The following LAMA3 variants were observed in gnomAD, a reference collection of about 807,000 sequenced individuals.
LAMA3 encodes the protein laminin subunit alpha 3, also known as laminin subunit alpha-3.
A neutral mutation model predicts 402.0 loss-of-function variants in LAMA3; 281 were observed. The observed-to-expected ratio is 0.70, with a 90% CI of 0.63 to 0.77. LAMA3 has a LOEUF of 0.77. Ranked by LOEUF, LAMA3 falls within the 30% of genes least tolerant of loss-of-function variation. The probability of loss-of-function intolerance (pLI) is 0.00; values close to 1 mark genes in which losing one functional copy is unlikely to be tolerated. For synonymous variants in LAMA3, 1,431 were observed against 1,558.4 expected (o/e 0.92, Z 1.93); for missense variants, 3,840 against 4,215.5 (o/e 0.91, Z 2.47).
rs2064737169 is a variant in LAMA3 at position 23,876,880 on chromosome 18, G to T, written c.5112+473G>T. 2.6e-5 allele frequency among the ~76,000 whole-genome samples: 4 copies of T among 152,202 alleles called. No homozygotes were observed. The South Asian group carries it at 8.3e-4, about 31-fold the overall frequency. Reference sequence around the variant, plus strand: ...AAGAAATCAGTCCAACATTAGCTGGGCATGGTGGCAGGTGCCTGTAATCCC... The same window carrying T: ...AAGAAATCAGTCCAACATTAGCTGGTCATGGTGGCAGGTGCCTGTAATCCC... On this transcript the variant is annotated intron_variant, in intron 39 of 74. Coordinates refer to ENST00000313654, the MANE Select transcript of LAMA3 (RefSeq NM_198129.4).
At chr18:23,861,865 A>G in intron 35 of LAMA3, 58 bp downstream of exon 35, 1 of 1,518,226 alleles carries the variant, frequency 6.6e-7, no homozygotes, top group Middle Eastern at 2.2e-4. Flanking sequence ...TTGCTGCATG[A>G]GCATCATTTC....
chr18:23,874,990 A>C (rs1424658897), intron 38 of LAMA3, among the ~76,000 whole-genome samples: 1 of 152,090 alleles, frequency 6.6e-6, no homozygotes, highest in Non-Finnish European at 1.5e-5. Flanking sequence ...CAACCTCCCG[A>C]GTAGCTGGGA....
In LAMA3 at chr18:23,948,134, CA is replaced by C. The variant is rs371469997; in HGVS notation, c.9352-1630del. On this transcript the variant is annotated intron_variant, in intron 70 of 74. Coordinates refer to ENST00000313654, the MANE Select transcript of LAMA3 (RefSeq NM_198129.4). ...GCCCCTATTTTCAACTCAGAGAAAT[CA>C]CAGGATGGGGCAGGATTTGGGTATT... is the stretch of plus-strand genomic sequence containing the variant. 3.0e-4 allele frequency among the ~76,000 whole-genome samples: 45 copies of C among 152,244 alleles called. 1 individual carries two copies. In the South Asian group the frequency reaches 8.7e-3, roughly 29 times the overall value.
rs187142094 is a variant in LAMA3 at position 23,912,632 on chromosome 18, G to A, written c.7159-79G>A. On this transcript the variant is annotated intron_variant, in intron 55 of 74. Transcript: ENST00000313654. ...TCAGGAAAGGCTGATACATGGCTACGAGTCACAAACTAGCTCTCTGAGCAC... is the reference window on the plus strand; with the variant it reads ...TCAGGAAAGGCTGATACATGGCTACAAGTCACAAACTAGCTCTCTGAGCAC... The A allele has an allele frequency of 6.5e-5, 76 of 1,171,450 alleles. No individual in the cohort carries two copies. The African/African-American group carries it at 6.6e-4, about 10-fold the overall frequency. 72.6% of individuals were successfully genotyped at this position (1,171,450 alleles called of 1,614,324 possible).
intron 33 of LAMA3, among the ~76,000 whole-genome samples, chr18:23,858,461 C>G (rs942731061): frequency 6.6e-6 from 1 of 152,114 alleles, no homozygotes. Context: ...CAAGATGCCC[C>G]AGGGGCATCT....
Position 23,912,723 on chromosome 18 carries a change from A to T in LAMA3, c.7171A>T (p.Met2391Leu). ...RDAASKVAVP[M>L]RFNGKSGVEV... Reference sequence around the variant, plus strand: ...TTACTCCTCACAGGTTGCTGTCCCCATGAGGTTCAATGGTAAATCTGGAGT... The same window carrying T: ...TTACTCCTCACAGGTTGCTGTCCCCTTGAGGTTCAATGGTAAATCTGGAGT... Residue 2391 changes from methionine to leucine, a missense_variant, in exon 56 of 75, where the codon ATG becomes TTG. Transcript: ENST00000313654. 1 of 1,613,994 alleles carries T rather than the reference A, an allele frequency of 6.2e-7. No homozygotes were observed. The highest frequency in any genetic ancestry group is 8.5e-7 in the Non-Finnish European group (1 of 1,179,836).
chr18:23,714,183 C>A, intron 2 of LAMA3, 111 bp downstream of exon 2: 1 of 1,098,976 alleles, frequency 9.1e-7, no homozygotes, highest in Non-Finnish European at 1.3e-6. Flanking sequence ...GTTTTAATCC[C>A]CTCATCATTG....
Position 23,939,219 on chromosome 18 carries a change from G to A in LAMA3, c.8863-4G>A, listed in dbSNP as rs1248984103. The A allele has an allele frequency of 6.2e-7, 1 of 1,613,830 alleles. No homozygotes were observed. Among genetic ancestry groups the A allele is most frequent in the Admixed American group, 1.7e-5 (1 of 60,024 alleles). ...GATAATTGTGTTGCTCTTTTCCCAT[G>A]CAGCTGTTGCAGGACACACCAGTGG... On this transcript the variant is annotated splice_polypyrimidine_tract_variant and splice_region_variant and intron_variant, in intron 67 of 74. Transcript: ENST00000313654.
At position 23,784,376 on chromosome 18, in the gene LAMA3, A is replaced by T. The variant is rs190310249; in HGVS notation, c.1603+219A>T. On this transcript the variant is annotated intron_variant, in intron 12 of 74. Transcript: ENST00000313654. ...TCCTCCCTGGTAGTTAAGCACATGG[A>T]CTCTGAAATAATCTGTTTGGGTTCA... Among the ~76,000 whole-genome samples, 305 of 151,644 alleles carry T rather than the reference A, an allele frequency of 2.0e-3. 1 individual carries two copies. Among genetic ancestry groups the T allele is most frequent in the African/African-American group, 7.2e-3 (296 of 41,330 alleles).
intron 54 of LAMA3, 121 bp from the exon 55 acceptor site, chr18:23,909,032 C>T: frequency 1.1e-6 from 1 of 893,050 alleles, no homozygotes; most frequent in South Asian, 1.4e-5. Context: ...AATTATGACC[C>T]ATCCTGTTCA....
chr18:23,815,637 C>T, intron 17 of LAMA3, 64 bp downstream of exon 17: 1 of 1,104,506 alleles, frequency 9.1e-7, no homozygotes, highest in Non-Finnish European at 1.4e-6. Flanking sequence ...GTCTAAATAA[C>T]ATTTCTTCTG....
intron 47 of LAMA3, among the ~76,000 whole-genome samples, 192 bp from the exon 48 acceptor site, chr18:23,900,935 G>A (rs115743732): frequency 6.6e-6 from 1 of 152,114 alleles, no homozygotes; most frequent in South Asian, 2.1e-4. Flanking sequence ...GTTTTCCTGT[G>A]GAAGTTAAAT....
chr18:23,859,601 G>A (rs2064166111), intron 34 of LAMA3, among the ~76,000 whole-genome samples: 1 of 152,188 alleles, frequency 6.6e-6, no homozygotes, highest in African/African-American at 2.4e-5. Context: ...AGGATACAGA[G>A]CAACAGCCAG....
At chr18:23,802,830 A>G (rs1394831339) in intron 12 of LAMA3, among the ~76,000 whole-genome samples, 9 of 152,170 alleles carry the variant, frequency 5.9e-5, no homozygotes, top group Non-Finnish European at 1.2e-4. Context: ...TTGTACAATG[A>G]TTCAGAGCAG....
At chr18:23,872,926 C>T in intron 38 of LAMA3, 1 of 1,322,160 alleles carries the variant, frequency 7.6e-7, no homozygotes. Context: ...AGGTGGGGCC[C>T]CTGCCGCAGA....
chr18:23,716,179 A>T (rs1391272040), intron 2 of LAMA3, among the ~76,000 whole-genome samples: 3 of 151,136 alleles, frequency 2.0e-5, no homozygotes, highest in Non-Finnish European at 4.4e-5. Context: ...TTTTTTTTAG[A>T]CAGGGTCTCA....
intron 1 of LAMA3, among the ~76,000 whole-genome samples, chr18:23,699,623 G>A (rs1009794958): frequency 1.9e-4 from 29 of 152,200 alleles, no homozygotes; most frequent in African/African-American, 7.0e-4. Context: ...GAAGTACTTT[G>A]GGTTTGGGGT....
Position 23,839,670 on chromosome 18 carries a change from G to A in LAMA3, c.3192-115G>A. 1 of 1,079,358 alleles carries A rather than the reference G, an allele frequency of 9.3e-7. No individual in the cohort carries two copies. The highest frequency in any genetic ancestry group is 1.4e-6 in the Non-Finnish European group (1 of 707,096). The allele number at this position is 1,079,358 out of a possible 1,614,324, so 66.9% of individuals were successfully genotyped here. ...AGAGTTCTGTGCTTCCCCCAGCACT[G>A]GATCCTTTTGATGCCCATGCAGTCC... On this transcript the variant is annotated intron_variant, in intron 26 of 74. Transcript: ENST00000313654. This position sits in a 1 kb window ranked among gnomAD's most constrained non-coding sequence, Gnocchi z 4.5.
intron 1 of LAMA3, among the ~76,000 whole-genome samples, chr18:23,705,531 ACACATATATTTGAGACAGGGTCT>A (rs2145868323): frequency 1.3e-5 from 2 of 152,028 alleles, no homozygotes; most frequent in Non-Finnish European, 2.9e-5. Flanking sequence ...ACACACACAT[ACACATATATTTGAGACAGGGTCT>A]CACTCCATCA....
Sources: gnomAD v4.1 joint callset for allele counts (sites outside exome capture counted in the v4.1 genomes callset) on GRCh38, gnomAD v4.1.1 for gene constraint, Gnocchi (gnomAD v3.1) non-coding constraint, MANE v1.5 for transcripts, NCBI Gene and HGNC (gene_info 2026-07-23, HGNC 2026-07-21) for gene names.